The following PSD3 variants were observed in gnomAD, a reference collection of about 807,000 sequenced individuals.
PSD3 encodes PH and SEC7 domain-containing protein 3.
Under a neutral mutation model 105.5 loss-of-function variants are expected in PSD3, and 49 were observed. That is an observed-to-expected ratio of 0.46 (90% CI 0.37 to 0.59). The LOEUF (loss-of-function observed/expected upper bound fraction) is 0.59. Ranked by LOEUF, PSD3 falls within the 20% of genes least tolerant of loss-of-function variation. The pLI, the probability that PSD3 is intolerant of heterozygous loss-of-function variation, is 0.00. For missense variants in PSD3, 1,561 were observed against 1,263.8 expected, an observed-to-expected ratio of 1.24 and a Z score of -3.57; for synonymous variants, 557 against 457.8, an observed-to-expected ratio of 1.22 and a Z score of -2.77.
At chr8:18,967,632 G>C (rs1368942326) in intron 1 of PSD3, among the ~76,000 whole-genome samples, 1 of 152,152 alleles carries the variant, frequency 6.6e-6, no homozygotes, top group Non-Finnish European at 1.5e-5. Context: ...TTGACCATCA[G>C]GGTAGGGTTC....
chr8:18,786,481 G>T (rs1466054302), intron 8 of PSD3, among the ~76,000 whole-genome samples: 1 of 152,174 alleles, frequency 6.6e-6, no homozygotes, highest in Non-Finnish European at 1.5e-5. Context: ...TTATTTGGCA[G>T]TGCCTTCTGT....
chr8:18,753,661 A>G (rs894300408), intron 9 of PSD3, among the ~76,000 whole-genome samples: 1 of 152,200 alleles, frequency 6.6e-6, no homozygotes, highest in Non-Finnish European at 1.5e-5. Flanking sequence ...TTTTAGATAG[A>G]GAAATGAATT....
intron 9 of PSD3, among the ~76,000 whole-genome samples, chr8:18,700,135 T>C (rs1457047094): frequency 6.6e-6 from 1 of 152,180 alleles, no homozygotes; most frequent in East Asian, 1.9e-4. Flanking sequence ...AACCTGAAAT[T>C]AGCAACCATC....
intron 1 of PSD3, among the ~76,000 whole-genome samples, chr8:19,004,175 A>G (rs2129474663): frequency 6.6e-6 from 1 of 152,184 alleles, no homozygotes; most frequent in Non-Finnish European, 1.5e-5. Flanking sequence ...TGTCTAATCC[A>G]GGAGGAGAAG....
At chr8:18,588,726 A>G (rs187990086) in intron 12 of PSD3, among the ~76,000 whole-genome samples, 30 of 152,334 alleles carry the variant, frequency 2.0e-4, no homozygotes, top group Admixed American at 1.8e-3. Flanking sequence ...CTGAAGCTTC[A>G]AAGTTTACAA....
At chr8:19,039,135 T>C (rs913608502) in intron 1 of PSD3, among the ~76,000 whole-genome samples, 8 of 152,192 alleles carry the variant, frequency 5.3e-5, no homozygotes, top group African/African-American at 1.7e-4. Context: ...GGACCTTTTT[T>C]CCCTTGGCTT....
At chr8:18,713,749 T>C (rs546606834) in intron 9 of PSD3, among the ~76,000 whole-genome samples, 1 of 152,282 alleles carries the variant, frequency 6.6e-6, no homozygotes, top group African/African-American at 2.4e-5. Context: ...CAAACTACCA[T>C]TGGCATTCTT....
intron 15 of PSD3, among the ~76,000 whole-genome samples, chr8:18,548,011 T>A (rs1800548335): frequency 6.6e-6 from 1 of 152,176 alleles, no homozygotes; most frequent in Non-Finnish European, 1.5e-5. Context: ...TTTCCTTTTT[T>A]CCCCCATCTG....
intron 12 of PSD3, among the ~76,000 whole-genome samples, chr8:18,599,925 A>T (rs2130565888): frequency 6.6e-6 from 1 of 152,324 alleles, no homozygotes; most frequent in Non-Finnish European, 1.5e-5. Flanking sequence ...TAAGAGATTA[A>T]CCATAATAAC....
chr8:18,996,995 G>A (rs995416511), intron 1 of PSD3, among the ~76,000 whole-genome samples: 1 of 151,774 alleles, frequency 6.6e-6, no homozygotes, highest in Non-Finnish European at 1.5e-5. Flanking sequence ...TCGCACTCTC[G>A]ATTCCCCTCA....
intron 2 of PSD3, among the ~76,000 whole-genome samples, chr8:18,926,983 C>G (rs1008227376): frequency 6.6e-6 from 1 of 152,108 alleles, no homozygotes; most frequent in Non-Finnish European, 1.5e-5. Context: ...TCCCACAACC[C>G]TTTCCCTGGG....
chr8:18,616,918 C>G (rs374219607), intron 11 of PSD3, among the ~76,000 whole-genome samples: 1 of 152,228 alleles, frequency 6.6e-6, no homozygotes, highest in South Asian at 2.1e-4. Context: ...CCACCGCGCC[C>G]GGCCATCTTC....
intron 8 of PSD3, among the ~76,000 whole-genome samples, chr8:18,776,075 T>A (rs1808043285): frequency 6.6e-6 from 1 of 151,958 alleles, no homozygotes; most frequent in Non-Finnish European, 1.5e-5. Flanking sequence ...CATATCCAGT[T>A]TTCTGAGCAC....
At chr8:18,981,299 A>C (rs1825240991) in intron 1 of PSD3, among the ~76,000 whole-genome samples, 3 of 152,164 alleles carry the variant, frequency 2.0e-5, no homozygotes, top group African/African-American at 7.2e-5. Context: ...TCACCCCCCA[A>C]CACACATACA....
At chr8:18,986,738 G>T (rs567034188) in intron 1 of PSD3, among the ~76,000 whole-genome samples, 4 of 152,208 alleles carry the variant, frequency 2.6e-5, no homozygotes, top group African/African-American at 9.6e-5. Flanking sequence ...GGCTAACGTA[G>T]CCATTTGCAA....
At position 18,804,422 on chromosome 8, in the gene PSD3, TAAA is replaced by T. The variant is rs59596734; in HGVS notation, c.1910+97_1910+99del. Reference sequence around the variant, plus strand: ...AATACTCCACCTATACATGGAGGTTTAAAAAAAAAAAATAAGATTCTAGCTAGA... The same window carrying T: ...AATACTCCACCTATACATGGAGGTTTAAAAAAAAATAAGATTCTAGCTAGA... On this transcript the variant is annotated intron_variant, in intron 6 of 15. Coordinates refer to ENST00000327040, the MANE Select transcript of PSD3 (RefSeq NM_015310.4). The T allele has an allele frequency of 2.7e-3, 2,487 of 931,630 alleles. 1 individual carries two copies. The highest frequency in any genetic ancestry group is 3.1e-3 in the Non-Finnish European group (2,013 of 643,370). The allele number at this position is 931,630 out of a possible 1,614,324, so 57.7% of individuals were successfully genotyped here.
intron 2 of PSD3, among the ~76,000 whole-genome samples, chr8:18,892,052 G>A (rs1265443864): frequency 1.3e-5 from 2 of 152,152 alleles, no homozygotes; most frequent in Admixed American, 1.3e-4. Flanking sequence ...CAGCCCACAT[G>A]TGAACATAAA....
intron 4 of PSD3, among the ~76,000 whole-genome samples, chr8:18,823,986 C>G (rs55690339): frequency 0.24 from 37,086 of 151,900 alleles, 4,778 homozygotes; most frequent in Admixed American, 0.36. Flanking sequence ...TCGAGACCAG[C>G]CTGGACAACA....
At chr8:18,984,056 G>T (rs1825377260) in intron 1 of PSD3, among the ~76,000 whole-genome samples, 1 of 150,002 alleles carries the variant, frequency 6.7e-6, no homozygotes, top group Non-Finnish European at 1.5e-5. Context: ...ATAACAATAG[G>T]TATAATAATA....
Sources: allele counts gnomAD v4.1 joint callset (sites outside exome capture counted in the v4.1 genomes callset), GRCh38; gene constraint gnomAD v4.1.1; transcripts MANE v1.5; gene names NCBI Gene and HGNC (gene_info 2026-07-23, HGNC 2026-07-21).